The following XKR9 variants were observed in gnomAD, a reference collection of about 807,000 sequenced individuals.
XKR9 encodes the protein XK-related protein 9.
Under a neutral mutation model 32.0 loss-of-function variants are expected in XKR9, and 32 were observed. The ratio of observed to expected loss-of-function variants is 1.00; its 90% CI spans 0.76 to 1.34. The LOEUF is 1.34. XKR9 is among the 40% of genes most tolerant of loss of function. The pLI is 0.00. For synonymous variants in XKR9, 168 were observed against 143.4 expected (o/e 1.17, Z -1.22); for missense variants, 546 against 429.7 (o/e 1.27, Z -2.39).
the XKR9 span, among the ~76,000 whole-genome samples, chr8:71,062,664 T>C: frequency 6.6e-6 from 1 of 152,010 alleles, no homozygotes. Context: ...ATTTCCACAG[T>C]GGAGTTGATA....
intron 4 of XKR9, among the ~76,000 whole-genome samples, chr8:70,713,413 C>T (rs1805985342): frequency 6.6e-6 from 1 of 152,096 alleles, no homozygotes; most frequent in Non-Finnish European, 1.5e-5. Flanking sequence ...TGATGAGAGA[C>T]ACCTACCCAC....
the XKR9 span, among the ~76,000 whole-genome samples, chr8:70,946,429 T>C: frequency 6.6e-6 from 1 of 152,072 alleles, no homozygotes; most frequent in Non-Finnish European, 1.5e-5. Context: ...GAGATAATAA[T>C]GTCTAACAGT....
the XKR9 span, among the ~76,000 whole-genome samples, chr8:70,949,049 C>T: frequency 1.4e-4 from 22 of 152,206 alleles, no homozygotes; most frequent in African/African-American, 4.1e-4. Flanking sequence ...AATTGACAAG[C>T]GAGTTGCCAG....
intron 2 of XKR9, among the ~76,000 whole-genome samples, chr8:70,773,293 C>T (rs1807477872): frequency 6.6e-6 from 1 of 152,170 alleles, no homozygotes; most frequent in Non-Finnish European, 1.5e-5. Flanking sequence ...GGAAGCAGGC[C>T]TATGGCTTAA....
the XKR9 span, among the ~76,000 whole-genome samples, chr8:70,860,770 C>G: frequency 6.6e-6 from 1 of 151,848 alleles, no homozygotes; most frequent in African/African-American, 2.4e-5. Flanking sequence ...CTGGGGAGTT[C>G]AGCTCTGCAG....
At chr8:70,713,863 A>G (rs13254908) in intron 4 of XKR9, among the ~76,000 whole-genome samples, 61,176 of 151,982 alleles carry the variant, frequency 0.4, 13,885 homozygotes, top group Non-Finnish European at 0.52. Context: ...TAGGTATTGT[A>G]TGTGTTTGCT....
the XKR9 span, among the ~76,000 whole-genome samples, chr8:70,938,860 G>T: frequency 6.6e-6 from 1 of 152,078 alleles, no homozygotes; most frequent in Non-Finnish European, 1.5e-5. Flanking sequence ...AGGGGGCTAG[G>T]GGTATAGATC....
chr8:70,691,154 A>G (rs1369293311), intron 3 of XKR9, among the ~76,000 whole-genome samples: 1 of 152,174 alleles, frequency 6.6e-6, no homozygotes, highest in African/African-American at 2.4e-5. Flanking sequence ...GCATTTCTCT[A>G]ATGATCAGTG....
chr8:70,759,882 T>A (rs1807284858), intron 2 of XKR9, among the ~76,000 whole-genome samples: 1 of 152,200 alleles, frequency 6.6e-6, no homozygotes, highest in Non-Finnish European at 1.5e-5. Context: ...TTGCCTATCA[T>A]CAAAAACACT....
the XKR9 span, among the ~76,000 whole-genome samples, chr8:70,879,971 A>G: frequency 1.3e-5 from 2 of 152,384 alleles, no homozygotes; most frequent in Admixed American, 1.3e-4. Flanking sequence ...CAGGTTCAAC[A>G]TATGCAAATC....
rs866387616 is a variant in XKR9, at chr8:70,707,006, G to A, written c.346G>A (p.Glu116Lys). The change falls in exon 4 of 5, where the codon GAA becomes AAA. Residue 116 changes from glutamate (E) to lysine (K), a missense_variant. Coordinates refer to ENST00000408926, the MANE Select transcript of XKR9 (RefSeq NM_001011720.2). ...YDSNTSNFVE[E>K]QIDLHKEVID... ...CAGCAATACTAGTAACTTCGTGGAA[G>A]AACAAATTGATCTACATAAAGAAGT... 1.2e-6 allele frequency: 2 copies of A among 1,613,252 alleles called. No individual in the cohort carries two copies. Among genetic ancestry groups the A allele is most frequent in the Non-Finnish European group, 1.7e-6 (2 of 1,179,496 alleles).
At chr8:70,765,222 G>A (rs569588647) in intron 2 of XKR9, among the ~76,000 whole-genome samples, 13 of 152,258 alleles carry the variant, frequency 8.5e-5, no homozygotes, top group South Asian at 8.3e-4. Context: ...GTGTAAAAGC[G>A]TACCTATTTC....
intron 2 of XKR9, among the ~76,000 whole-genome samples, chr8:70,763,076 C>A (rs1464949052): frequency 6.6e-6 from 1 of 152,044 alleles, no homozygotes; most frequent in Admixed American, 6.6e-5. Context: ...TAATTCCTAC[C>A]ATTTATATGA....
chr8:70,935,530 T>C, the XKR9 span, among the ~76,000 whole-genome samples: 1 of 152,048 alleles, frequency 6.6e-6, no homozygotes, highest in African/African-American at 2.4e-5. Flanking sequence ...TCGTATTTGC[T>C]GGCACTGGCT....
the XKR9 span, among the ~76,000 whole-genome samples, chr8:70,814,239 C>G: frequency 3.3e-5 from 5 of 151,570 alleles, no homozygotes; most frequent in Non-Finnish European, 5.9e-5. Flanking sequence ...TGGAATTGAA[C>G]AATGAGAACA....
the XKR9 span, among the ~76,000 whole-genome samples, chr8:71,008,259 G>A: frequency 1.3e-5 from 2 of 152,100 alleles, no homozygotes; most frequent in Non-Finnish European, 2.9e-5. Context: ...ACTTTTTGTT[G>A]CTCACCTTAT....
chr8:71,007,594 G>A, the XKR9 span, among the ~76,000 whole-genome samples: 3 of 151,790 alleles, frequency 2.0e-5, no homozygotes, highest in Non-Finnish European at 4.4e-5. Flanking sequence ...AATAAAAGGG[G>A]TCAAAGGTGA....
At chr8:70,854,288 C>T in the XKR9 span, among the ~76,000 whole-genome samples, 2 of 152,204 alleles carry the variant, frequency 1.3e-5, no homozygotes, top group Non-Finnish European at 1.5e-5. Context: ...TGATGATGAG[C>T]ATTTTTTCAT....
the XKR9 span, among the ~76,000 whole-genome samples, chr8:70,911,940 G>A: frequency 2.0e-5 from 3 of 152,162 alleles, no homozygotes; most frequent in African/African-American, 4.8e-5. Flanking sequence ...GGCACACAGA[G>A]GGCACATCTA....
Sources: allele counts gnomAD v4.1 joint callset (sites outside exome capture counted in the v4.1 genomes callset), GRCh38; gene constraint gnomAD v4.1.1; transcripts MANE v1.5; gene names NCBI Gene and HGNC (gene_info 2026-07-23, HGNC 2026-07-21).